The following KSR1 variants were observed in gnomAD, a reference collection of about 807,000 sequenced individuals.
KSR1 encodes the protein kinase suppressor of ras.
KSR1 carries 35 observed loss-of-function variants against 92.9 expected under a neutral mutation model. That is an observed-to-expected ratio of 0.38 (90% CI 0.29 to 0.50). KSR1 has a LOEUF of 0.50. Among genes scored for constraint, KSR1 ranks in the 20% least tolerant of loss-of-function variants. The pLI, the probability that KSR1 is intolerant of heterozygous loss-of-function variation, is 0.94. For synonymous variants in KSR1, 467 were observed against 472.6 expected (o/e 0.99, Z 0.15); for missense variants, 972 against 1,158.5 (o/e 0.84, Z 2.34).
intron 9 of KSR1, among the ~76,000 whole-genome samples, chr17:27,596,932 C>T (rs1053085566): frequency 6.6e-6 from 1 of 152,230 alleles, no homozygotes; most frequent in Non-Finnish European, 1.5e-5. Flanking sequence ...CCGTGGACAT[C>T]TGCAGTAGAC....
chr17:27,566,016 G>C (rs531891262), intron 2 of KSR1, among the ~76,000 whole-genome samples: 8 of 152,204 alleles, frequency 5.3e-5, no homozygotes, highest in Non-Finnish European at 7.4e-5. Context: ...TCTTCCTGTT[G>C]GTCTCCATAC....
Position 27,570,191 on chromosome 17 carries a change from T to A in KSR1, c.373-7301T>A, listed in dbSNP as rs1201834238. 4.6e-5 allele frequency among the ~76,000 whole-genome samples: 7 copies of A among 152,296 alleles called. No homozygotes were observed. In the East Asian group the frequency reaches 9.6e-4, roughly 21 times the overall value. ...GGTGTGGGGTCTGGAAAGTCATATGTGACCTGTGATGCCAGTGGTGGCAAA... is the reference window on the plus strand; with the variant it reads ...GGTGTGGGGTCTGGAAAGTCATATGAGACCTGTGATGCCAGTGGTGGCAAA... On this transcript the variant is annotated intron_variant, in intron 2 of 20. Transcript: ENST00000644974.
chr17:27,600,090 C>CTTTTT (rs552526373), intron 10 of KSR1, among the ~76,000 whole-genome samples: 7 of 115,288 alleles, frequency 6.1e-5, no homozygotes, highest in South Asian at 3.3e-4. Flanking sequence ...TTACAGATAA[C>CTTTTT]TTTTTTTTTT....
chr17:27,619,376 A>G (rs973248070), intron 19 of KSR1, among the ~76,000 whole-genome samples: 1 of 147,450 alleles, frequency 6.8e-6, no homozygotes, highest in Admixed American at 6.7e-5. Flanking sequence ...TGGCTTGCAC[A>G]TTGTTTTCTG....
rs1227432367 is a variant in KSR1, at chr17:27,623,942, A to T, written c.*550A>T. 3.7e-6 allele frequency: 1 copy of T among 273,876 alleles called. No individual in the cohort carries two copies. Among genetic ancestry groups the T allele is most frequent in the Non-Finnish European group, 6.7e-6 (1 of 148,744 alleles). The allele number at this position is 273,876 out of a possible 1,614,324, so 17.0% of individuals were successfully genotyped here. On this transcript the variant is annotated 3_prime_UTR_variant, in exon 21 of 21. Coordinates refer to ENST00000644974, the MANE Select transcript of KSR1 (RefSeq NM_001394583.1). ...GGATACTGCCCCTTCCTCGTCTTGC[A>T]GAGGAAACCCTGGCTAGGAACTGAG...
Position 27,590,903 on chromosome 17 carries a change from A to G in KSR1, c.1130+9A>G, listed in dbSNP as rs1401354526. Reference sequence around the variant, plus strand: ...AAGTGCAAGCATTGCAGGTGATGGGAAGAGGAGTGGGGGTGGGGGGAGCAG... The same window carrying G: ...AAGTGCAAGCATTGCAGGTGATGGGGAGAGGAGTGGGGGTGGGGGGAGCAG... On this transcript the variant is annotated intron_variant, in intron 7 of 20. Transcript: ENST00000644974. 1 of 1,603,080 alleles carries G rather than the reference A, an allele frequency of 6.2e-7. No individual in the cohort carries two copies. The highest frequency in any genetic ancestry group is 1.7e-5 in the Admixed American group (1 of 59,044).
intron 2 of KSR1, among the ~76,000 whole-genome samples, chr17:27,568,362 G>A (rs2072168295): frequency 6.6e-6 from 1 of 152,210 alleles, no homozygotes; most frequent in Non-Finnish European, 1.5e-5. Context: ...TCTGGTGGAC[G>A]GCATCTGTGA....
intron 1 of KSR1, among the ~76,000 whole-genome samples, chr17:27,536,319 T>C (rs1424836926): frequency 6.6e-6 from 1 of 152,236 alleles, no homozygotes; most frequent in African/African-American, 2.4e-5. Flanking sequence ...TATGCCGGTA[T>C]GCCAGAAATT....
intron 3 of KSR1, chr17:27,579,081 G>A (rs891563542): frequency 1.3e-5 from 2 of 152,254 alleles, no homozygotes; most frequent in Non-Finnish European, 2.9e-5. Context: ...CTCTCATTTA[G>A]TCTCAGCTTG....
At chr17:27,579,966 A>T (rs1385847917) in intron 3 of KSR1, 1 of 142,292 alleles carries the variant, frequency 7.0e-6, no homozygotes, top group Non-Finnish European at 1.5e-5. Context: ...ATTCCTGCTG[A>T]TCCTCCCAAT....
At chr17:27,518,994 A>C (rs187723270) in intron 1 of KSR1, among the ~76,000 whole-genome samples, 130 of 152,302 alleles carry the variant, frequency 8.5e-4, no homozygotes, top group African/African-American at 3.1e-3. Context: ...GTCTAGGGTC[A>C]CATTGCCTAG....
At position 27,496,243 on chromosome 17, in the gene KSR1, A is replaced by G. The variant is rs996664083; in HGVS notation, c.231+39369A>G. Among the ~76,000 whole-genome samples the G allele has an allele frequency of 3.9e-5, 6 of 152,190 alleles. No homozygotes were observed. In the East Asian group the frequency reaches 1.2e-3, roughly 29 times the overall value. ...TGCCTAAGGGAGATGCCTCATCTCC[A>G]GCCACCCAGATGTGACTGGAGAGAG... On this transcript the variant is annotated intron_variant, in intron 1 of 20. Transcript: ENST00000644974.
At chr17:27,545,335 G>T (rs2071128654) in intron 1 of KSR1, among the ~76,000 whole-genome samples, 1 of 152,204 alleles carries the variant, frequency 6.6e-6, no homozygotes, top group Admixed American at 6.5e-5. Flanking sequence ...AACTTTGTGT[G>T]CCTGTCTGGC....
intron 1 of KSR1, among the ~76,000 whole-genome samples, chr17:27,486,398 G>A (rs191637114): frequency 1.8e-4 from 27 of 152,270 alleles, no homozygotes; most frequent in African/African-American, 5.3e-4. Context: ...CATCCACCCC[G>A]CCAAATGTGG....
At chr17:27,494,804 C>G (rs180853829) in intron 1 of KSR1, among the ~76,000 whole-genome samples, 1 of 152,316 alleles carries the variant, frequency 6.6e-6, no homozygotes, top group Admixed American at 6.5e-5. Flanking sequence ...TGCCATTGGG[C>G]GGTGTCCCTT....
In KSR1 at chr17:27,582,715, C is replaced by T; in HGVS notation, c.590C>T (p.Ser197Phe). The T allele has an allele frequency of 5.0e-6, 8 of 1,613,862 alleles. No homozygotes were observed. Among genetic ancestry groups the T allele is most frequent in the Non-Finnish European group, 6.8e-6 (8 of 1,179,838 alleles). Residue 197 changes from serine to phenylalanine, a missense_variant, in exon 4 of 21, where the codon TCC (serine) becomes TTC (phenylalanine). Physicochemically the swap from Ser to Phe is radical, Grantham distance 155. Around this residue, in one of 5 missense-constraint regions of KSR1, gnomAD observed 611 missense variants for 668.0 expected, o/e 0.91. Transcript: ENST00000644974. ...CGGCGGGAAAGTGGCTCAGGGCCTT[C>T]CACGGACACCCTCTCAGCAGCCAGC... is the stretch of plus-strand genomic sequence containing the variant. ...DARRESGSGP[S>F]TDTLSAASLP... is the part of the protein sequence containing the mutation.
chr17:27,486,617 A>G (rs1597862414), intron 1 of KSR1, among the ~76,000 whole-genome samples: 1 of 152,124 alleles, frequency 6.6e-6, no homozygotes, highest in African/African-American at 2.4e-5. Context: ...TGGGGTAGGG[A>G]GGCTTCAAAG....
rs1403341418 is a variant in KSR1 at position 27,481,986 on chromosome 17, T to A, written c.231+25112T>A. ...TGGACTCTGTATGTTGAACCTTAAT[T>A]TCTGTCATCCATCAAATGAGGGCAA... On this transcript the variant is annotated intron_variant, in intron 1 of 20. Transcript: ENST00000644974. Among the ~76,000 whole-genome samples, 3 of 152,208 alleles carry A rather than the reference T, an allele frequency of 2.0e-5. No individual in the cohort carries two copies. The East Asian group carries it at 5.8e-4, about 29-fold the overall frequency.
chr17:27,473,908 C>T (rs1238982903), intron 1 of KSR1, among the ~76,000 whole-genome samples: 1 of 152,078 alleles, frequency 6.6e-6, no homozygotes, highest in Non-Finnish European at 1.5e-5. Flanking sequence ...ACTCTTCCAG[C>T]TGCATCTTTG....
Sources: gnomAD v4.1 joint callset for allele counts (sites outside exome capture counted in the v4.1 genomes callset) on GRCh38, gnomAD v4.1.1 for gene constraint, gnomAD v4.1.1 regional missense constraint, MANE v1.5 for transcripts, NCBI Gene and HGNC (gene_info 2026-07-23, HGNC 2026-07-21) for gene names.